The following AGO4 variants were observed in gnomAD, a reference collection of about 807,000 sequenced individuals.
AGO4 encodes the protein protein argonaute-4.
AGO4 carries 33 observed loss-of-function variants against 104.7 expected under a neutral mutation model. That is an observed-to-expected ratio of 0.32 (90% CI 0.24 to 0.42). The LOEUF (loss-of-function observed/expected upper bound fraction) is 0.42, where lower values mean the gene tolerates loss of function less well. AGO4 is among the 10% of genes least tolerant of loss of function. AGO4 has a pLI of 1.00. For missense variants in AGO4, 711 were observed against 1,083.4 expected (o/e 0.66, Z 4.83); for synonymous variants, 331 against 364.7 (o/e 0.91, Z 1.05).
intron 12 of AGO4, 75 bp from the exon 13 acceptor site, chr1:35,835,759 G>A: frequency 8.0e-7 from 1 of 1,249,130 alleles, no homozygotes; most frequent in Non-Finnish European, 1.1e-6. Context: ...GTTAATGTGT[G>A]GGGTTTTTTT....
At chr1:35,835,157 G>A (rs1014477956) in intron 12 of AGO4, among the ~76,000 whole-genome samples, 2 of 151,680 alleles carry the variant, frequency 1.3e-5, no homozygotes, top group South Asian at 2.1e-4. Context: ...CTACAGGCAC[G>A]TGCCATCTCC....
At chr1:35,831,398 T>C in intron 7 of AGO4, 29 bp from the exon 8 acceptor site, 2 of 1,557,418 alleles carry the variant, frequency 1.3e-6, no homozygotes, top group Non-Finnish European at 1.7e-6. Context: ...CTTGAAGAAA[T>C]ATTCTAAAAA....
intron 15 of AGO4, among the ~76,000 whole-genome samples, chr1:35,844,404 C>A (rs1644517825): frequency 6.6e-6 from 1 of 152,142 alleles, no homozygotes; most frequent in Non-Finnish European, 1.5e-5. Flanking sequence ...CTCAGCCAGG[C>A]CTTGGATGCT....
chr1:35,838,486 C>G (rs575897482), intron 13 of AGO4, among the ~76,000 whole-genome samples: 1 of 152,304 alleles, frequency 6.6e-6, no homozygotes, highest in African/African-American at 2.4e-5. Flanking sequence ...CATGCCTGGT[C>G]AACAGTGGCT....
Position 35,841,850 on chromosome 1 carries a change from T to G in AGO4, c.2175+100T>G. ...TATATATATATATACACCATTTTTA[T>G]ACAATTTTTTTCTTAAAAGCAGAAA... On this transcript the variant is annotated intron_variant, in intron 15 of 17. Coordinates refer to ENST00000373210, the MANE Select transcript of AGO4 (RefSeq NM_017629.4). The surrounding 1 kb of genome is among the most constrained non-coding windows in gnomAD (Gnocchi z 4.7). 1 of 857,282 alleles carries G rather than the reference T, an allele frequency of 1.2e-6. No homozygotes were observed. The highest frequency in any genetic ancestry group is 1.5e-6 in the Non-Finnish European group (1 of 662,540). The allele number at this position is 857,282 out of a possible 1,614,324, so 53.1% of individuals were successfully genotyped here.
chr1:35,835,780 T>C, intron 12 of AGO4, 54 bp from the exon 13 acceptor site: 3 of 1,461,042 alleles, frequency 2.1e-6, no homozygotes, highest in South Asian at 2.7e-5. Context: ...CCTTCTGCTT[T>C]TAGTAATTAG....
chr1:35,821,425 A>G (rs1643883539), intron 2 of AGO4, among the ~76,000 whole-genome samples: 2 of 152,210 alleles, frequency 1.3e-5, no homozygotes, highest in Non-Finnish European at 2.9e-5. Context: ...AAACTCACAA[A>G]CGTTGCTAAG....
chr1:35,854,278 C>A lies in AGO4; in HGVS notation c.*673C>A, dbSNP rs1644772662. On this transcript the variant is annotated 3_prime_UTR_variant, in exon 18 of 18. Coordinates refer to ENST00000373210, the MANE Select transcript of AGO4 (RefSeq NM_017629.4). The stretch of plus-strand genomic sequence containing the variant: ...ATAGGCAGTTCTCTTATTTGGTCGA[C>A]TTTTGTGAATGTGTGACATAAACAG... The A allele has an allele frequency of 6.6e-6, 1 of 152,548 alleles. No individual in the cohort carries two copies. Among genetic ancestry groups the A allele is most frequent in the Non-Finnish European group, 1.5e-5 (1 of 68,028 alleles). 9.4% of individuals were successfully genotyped at this position (152,548 alleles called of 1,614,324 possible). A position where few individuals can be genotyped will look rare whatever the true frequency, so the allele number is the denominator to read the frequency against.
intron 1 of AGO4, among the ~76,000 whole-genome samples, chr1:35,810,895 G>GCC (rs1643477932): frequency 6.6e-6 from 1 of 152,166 alleles, no homozygotes; most frequent in South Asian, 2.1e-4. Context: ...ACTTTGGGAG[G>GCC]TTGAGGTGGG....
rs142432459 is a variant in AGO4 at position 35,827,790 on chromosome 1, C to CTTTTTTTTTTTTTTTTTTTTT, written c.848+975_848+976insTTTTTTTTTTTTTTTTTTTTT. 1.9e-5 allele frequency among the ~76,000 whole-genome samples: 2 copies of CTTTTTTTTTTTTTTTTTTTTT among 103,850 alleles called. 1 individual carries two copies. Among genetic ancestry groups the CTTTTTTTTTTTTTTTTTTTTT allele is most frequent in the Non-Finnish European group, 3.8e-5 (2 of 52,754 alleles). 68.1% of individuals were successfully genotyped at this position (103,850 alleles called of 152,430 possible). ...TTTTTTTTATTATACTGTTGTTATTCTTTTTTTTTTTTTTTTTTTTCTTTT... is the reference window on the plus strand; with the variant it reads ...TTTTTTTTATTATACTGTTGTTATTCTTTTTTTTTTTTTTTTTTTTTTTTTTTTTTTTTTTTTTTTTCTTTT... On this transcript the variant is annotated intron_variant, in intron 7 of 17. Coordinates refer to ENST00000373210, the MANE Select transcript of AGO4 (RefSeq NM_017629.4).
intron 15 of AGO4, among the ~76,000 whole-genome samples, chr1:35,844,746 T>C (rs1644527630): frequency 6.6e-6 from 1 of 152,202 alleles, no homozygotes; most frequent in Admixed American, 6.5e-5. Flanking sequence ...CGTCACTCTT[T>C]CGTGTTCTGT....
At chr1:35,837,493 CCTCAGCCTCCCAA>C (rs1644342037) in intron 13 of AGO4, among the ~76,000 whole-genome samples, 1 of 152,070 alleles carries the variant, frequency 6.6e-6, no homozygotes, top group Non-Finnish European at 1.5e-5. Flanking sequence ...GATCCTCCCA[CCTCAGCCTCCCAA>C]GTAGCTGGGA....
chr1:35,813,110 A>G (rs1434068505), intron 1 of AGO4, among the ~76,000 whole-genome samples: 1 of 152,154 alleles, frequency 6.6e-6, no homozygotes, highest in Non-Finnish European at 1.5e-5. Flanking sequence ...ACTCCAAGCA[A>G]TAAGAATACT....
chr1:35,832,280 C>T (rs2148668447), intron 10 of AGO4, 95 bp downstream of exon 10: 1 of 1,548,312 alleles, frequency 6.5e-7, no homozygotes, highest in East Asian at 2.2e-5. Flanking sequence ...TGAATTTACC[C>T]ATAGTTTTGT....
chr1:35,809,442 T>G (rs1423968864), intron 1 of AGO4, among the ~76,000 whole-genome samples: 3 of 152,162 alleles, frequency 2.0e-5, no homozygotes, highest in Non-Finnish European at 4.4e-5. Flanking sequence ...AAAATTCGAG[T>G]TGCCATTTGA....
intron 15 of AGO4, among the ~76,000 whole-genome samples, chr1:35,846,070 A>G (rs1197601438): frequency 6.6e-6 from 1 of 152,192 alleles, no homozygotes; most frequent in African/African-American, 2.4e-5. Flanking sequence ...TCCCCCAGGC[A>G]GGGGCATGGG....
At chr1:35,846,219 A>G (rs1001218193) in intron 15 of AGO4, among the ~76,000 whole-genome samples, 1 of 152,142 alleles carries the variant, frequency 6.6e-6, no homozygotes, top group Admixed American at 6.5e-5. Flanking sequence ...GCATCACTGT[A>G]TATTAAGTCA....
At chr1:35,812,569 T>C (rs1380226206) in intron 1 of AGO4, among the ~76,000 whole-genome samples, 4 of 152,180 alleles carry the variant, frequency 2.6e-5, no homozygotes, top group African/African-American at 9.6e-5. Context: ...AAATTTCTAT[T>C]ATAAAGCTAT....
intron 3 of AGO4, among the ~76,000 whole-genome samples, chr1:35,824,668 G>A (rs1643968388): frequency 6.6e-6 from 1 of 151,952 alleles, no homozygotes; most frequent in African/African-American, 2.4e-5. Context: ...AGGCATGGTG[G>A]TGTGCACTTG....
Sources: allele counts gnomAD v4.1 joint callset (sites outside exome capture counted in the v4.1 genomes callset), GRCh38; gene constraint gnomAD v4.1.1; non-coding constraint Gnocchi (gnomAD v3.1); transcripts MANE v1.5; gene names NCBI Gene and HGNC (gene_info 2026-07-23, HGNC 2026-07-21).